Variants in CNTN1 observed in about 807,000 individuals in gnomAD.
The protein encoded by CNTN1 is contactin-1.
Under a neutral mutation model 126.4 loss-of-function variants are expected in CNTN1, and 38 were observed. The ratio of observed to expected loss-of-function variants is 0.30; its 90% CI spans 0.23 to 0.39. CNTN1 has a LOEUF of 0.39. Ranked by LOEUF, CNTN1 falls within the 10% of genes least tolerant of loss-of-function variation. The pLI is 1.00. For missense variants in CNTN1, 1,009 were observed against 1,248.4 expected, an observed-to-expected ratio of 0.81 and a Z score of 2.89; for synonymous variants, 413 against 422.6, an observed-to-expected ratio of 0.98 and a Z score of 0.28.
intron 1 of CNTN1, among the ~76,000 whole-genome samples, chr12:40,739,008 G>A (rs569415738): frequency 5.9e-5 from 9 of 152,062 alleles, no homozygotes; most frequent in African/African-American, 1.9e-4. Flanking sequence ...AACCTTGGGT[G>A]CACATGACAG....
chr12:41,019,623 G>A (rs1310822294), intron 19 of CNTN1, among the ~76,000 whole-genome samples: 3 of 152,144 alleles, frequency 2.0e-5, no homozygotes, highest in African/African-American at 4.8e-5. Context: ...CATAAGGGAT[G>A]TCAGTTACTT....
At chr12:40,741,173 T>G (rs1279537825) in intron 1 of CNTN1, among the ~76,000 whole-genome samples, 3 of 152,130 alleles carry the variant, frequency 2.0e-5, no homozygotes, top group African/African-American at 7.2e-5. Context: ...CAATTGATAT[T>G]TAAAATAGAC....
chr12:40,797,310 G>A (rs80338408), intron 1 of CNTN1, among the ~76,000 whole-genome samples: 1,891 of 152,218 alleles, frequency 0.012, 38 homozygotes, highest in African/African-American at 0.043. Context: ...CTGCAAGGAA[G>A]ACTGGTGGGA....
intron 17 of CNTN1, among the ~76,000 whole-genome samples, chr12:41,013,595 T>A (rs1948716777): frequency 6.6e-6 from 1 of 151,928 alleles, no homozygotes; most frequent in Non-Finnish European, 1.5e-5. Flanking sequence ...AAGGATGTGA[T>A]GGCTTAGGGA....
intron 4 of CNTN1, among the ~76,000 whole-genome samples, chr12:40,920,028 G>A (rs557847645): frequency 2.6e-5 from 4 of 152,206 alleles, no homozygotes; most frequent in Non-Finnish European, 4.4e-5. Flanking sequence ...GCTTGCTCAA[G>A]AACTAGTAAA....
At chr12:40,992,600 T>C (rs1158648140) in intron 16 of CNTN1, among the ~76,000 whole-genome samples, 1 of 152,140 alleles carries the variant, frequency 6.6e-6, no homozygotes, top group Admixed American at 6.6e-5. Flanking sequence ...AAAATTATTA[T>C]GACATTTATT....
chr12:40,811,703 T>C (rs1204440344), intron 1 of CNTN1, among the ~76,000 whole-genome samples: 1 of 152,146 alleles, frequency 6.6e-6, no homozygotes, highest in Non-Finnish European at 1.5e-5. Flanking sequence ...TTGTTCATAG[T>C]AGCCTCTTAG....
chr12:40,786,722 A>G (rs1231389416), intron 1 of CNTN1, among the ~76,000 whole-genome samples: 1 of 152,154 alleles, frequency 6.6e-6, no homozygotes, highest in Non-Finnish European at 1.5e-5. Flanking sequence ...GCAGAGAAAC[A>G]AGGGAAAGCA....
chr12:40,707,685 AT>A (rs952188055), intron 1 of CNTN1, among the ~76,000 whole-genome samples: 4 of 151,772 alleles, frequency 2.6e-5, no homozygotes, highest in Non-Finnish European at 4.4e-5. Flanking sequence ...TTGTCCAGAT[AT>A]TTTTTTTGAT....
intron 1 of CNTN1, among the ~76,000 whole-genome samples, chr12:40,735,126 C>A (rs1937624773): frequency 1.3e-5 from 2 of 152,014 alleles, no homozygotes; most frequent in Admixed American, 1.3e-4. Flanking sequence ...TCCTTAAAGA[C>A]CAGAATATTT....
At chr12:40,914,272 A>G (rs1472207969) in intron 3 of CNTN1, among the ~76,000 whole-genome samples, 2 of 152,162 alleles carry the variant, frequency 1.3e-5, no homozygotes, top group African/African-American at 2.4e-5. Flanking sequence ...GTATTGAAAT[A>G]TCCCTCAAAA....
chr12:40,943,794 A>G (rs541733144), intron 13 of CNTN1, 70 bp downstream of exon 13: 2 of 1,551,968 alleles, frequency 1.3e-6, no homozygotes, highest in African/African-American at 1.4e-5. Flanking sequence ...AAGCATCTAA[A>G]CAGTCAATGT....
chr12:40,692,796 C>A (rs1941334808), intron 1 of CNTN1, among the ~76,000 whole-genome samples: 1 of 152,170 alleles, frequency 6.6e-6, no homozygotes, highest in Non-Finnish European at 1.5e-5. Flanking sequence ...TGCCGGAGCC[C>A]TGGGGTGCCG....
intron 1 of CNTN1, among the ~76,000 whole-genome samples, chr12:40,741,240 A>T (rs995988991): frequency 4.6e-5 from 7 of 152,126 alleles, no homozygotes; most frequent in African/African-American, 1.7e-4. Flanking sequence ...AGTTTTATTG[A>T]CTATGTCCTT....
At chr12:41,057,386 C>G (rs1276872247) in intron 23 of CNTN1, among the ~76,000 whole-genome samples, 1 of 151,444 alleles carries the variant, frequency 6.6e-6, no homozygotes, top group African/African-American at 2.4e-5. Flanking sequence ...ATAAATAACA[C>G]TTAAAAATCT....
intron 1 of CNTN1, among the ~76,000 whole-genome samples, chr12:40,694,270 T>G (rs1389257591): frequency 6.6e-6 from 1 of 152,238 alleles, no homozygotes; most frequent in East Asian, 1.9e-4. Context: ...GTGGACCTGA[T>G]ATTTAAATTT....
chr12:41,018,938 C>G (rs918911570), intron 19 of CNTN1, among the ~76,000 whole-genome samples: 8 of 152,050 alleles, frequency 5.3e-5, no homozygotes, highest in Non-Finnish European at 1.0e-4. Flanking sequence ...GGGCGGATCA[C>G]CTGAAGTCAG....
At chr12:41,030,872 C>T (rs1319436037) in intron 23 of CNTN1, among the ~76,000 whole-genome samples, 3 of 152,044 alleles carry the variant, frequency 2.0e-5, no homozygotes, top group Non-Finnish European at 2.9e-5. Flanking sequence ...ATTTTTGAAA[C>T]ATTTTCTATA....
chr12:40,831,238 A>G (rs1941830376), intron 1 of CNTN1, among the ~76,000 whole-genome samples: 1 of 150,380 alleles, frequency 6.6e-6, no homozygotes, highest in South Asian at 2.1e-4. Flanking sequence ...ATATTTACTT[A>G]GGATTGTGGT....
Sources: allele counts gnomAD v4.1 joint callset (sites outside exome capture counted in the v4.1 genomes callset), GRCh38; gene constraint gnomAD v4.1.1; transcripts MANE v1.5; gene names NCBI Gene and HGNC (gene_info 2026-07-23, HGNC 2026-07-21).